FBXL17: variants seen among roughly 807,000 people sequenced by gnomAD.
FBXL17 encodes the protein F-box and leucine rich repeat protein 17, also known as F-box/LRR-repeat protein 17.
In FBXL17, 22 loss-of-function variants were observed where a neutral mutation model predicts 66.2. That is an observed-to-expected ratio of 0.33 (90% CI 0.24 to 0.47). The LOEUF (loss-of-function observed/expected upper bound fraction) is 0.47. FBXL17 is among the 20% of genes least tolerant of loss of function. The pLI, the probability that FBXL17 is intolerant of heterozygous loss-of-function variation, is 1.00. For synonymous variants in FBXL17, 474 were observed against 400.5 expected (o/e 1.18, Z -2.19); for missense variants, 878 against 948.2 (o/e 0.93, Z 0.97).
At chr5:108,305,394 T>C (rs1055794827) in intron 4 of FBXL17, among the ~76,000 whole-genome samples, 6 of 151,798 alleles carry the variant, frequency 4.0e-5, no homozygotes, top group African/African-American at 1.5e-4. Flanking sequence ...GGTGATGAGA[T>C]TATCTGTGCA....
chr5:107,981,829 A>AT (rs1283616467), intron 7 of FBXL17, among the ~76,000 whole-genome samples: 1 of 152,130 alleles, frequency 6.6e-6, no homozygotes, highest in Non-Finnish European at 1.5e-5. Flanking sequence ...ATCTACCTGA[A>AT]TTTTTTACCC....
chr5:108,240,921 C>A (rs1755828299), intron 4 of FBXL17, among the ~76,000 whole-genome samples: 1 of 152,104 alleles, frequency 6.6e-6, no homozygotes, highest in African/African-American at 2.4e-5. Flanking sequence ...AGTTAAGAGT[C>A]TCTGCCTGAT....
Position 108,236,806 on chromosome 5 carries a change from A to AAG in FBXL17, c.1507-12579_1507-12578insCT, listed in dbSNP as rs1243732382. On this transcript the variant is annotated intron_variant, in intron 4 of 8. Transcript: ENST00000542267. ...TGCAGGCCAAGTAGTCAGTGGGCCC[A>AAG]TAGGGTACCCTCATCTTCTGAATGC... 7.2e-5 allele frequency among the ~76,000 whole-genome samples: 11 copies of AAG among 152,316 alleles called. No homozygotes were observed. In the East Asian group the frequency reaches 2.1e-3, roughly 29 times the overall value.
At chr5:108,232,222 TA>T (rs1343890870) in intron 4 of FBXL17, among the ~76,000 whole-genome samples, 1 of 152,238 alleles carries the variant, frequency 6.6e-6, no homozygotes, top group African/African-American at 2.4e-5. Flanking sequence ...TGACTTTACA[TA>T]AGCATTTAAG....
At position 108,333,400 on chromosome 5, in the gene FBXL17, T is replaced by C. The variant is rs536873243; in HGVS notation, c.1506+14999A>G. The stretch of plus-strand genomic sequence containing the variant: ...ACAAATTACTACGTTAAAAAATCAC[T>C]TTTAAAATGCTAAAGTGCTAAGATT... On this transcript the variant is annotated intron_variant, in intron 4 of 8. Transcript: ENST00000542267. Among the ~76,000 whole-genome samples the C allele has an allele frequency of 3.1e-3, 475 of 152,188 alleles. 2 individuals carry two copies. The highest frequency in any genetic ancestry group is 0.01 in the African/African-American group (435 of 41,552).
chr5:107,922,412 A>AG (rs751271340), intron 7 of FBXL17, among the ~76,000 whole-genome samples: 2 of 152,142 alleles, frequency 1.3e-5, no homozygotes, highest in African/African-American at 2.4e-5. Context: ...CTATGCAAGG[A>AG]TCTTAACTGG....
chr5:108,314,687 T>G (rs1759277127), intron 4 of FBXL17, among the ~76,000 whole-genome samples: 1 of 151,488 alleles, frequency 6.6e-6, no homozygotes, highest in African/African-American at 2.4e-5. Flanking sequence ...AATTACTACT[T>G]CTAAGAGTGA....
chr5:108,092,730 G>C (rs1019471919), intron 6 of FBXL17, among the ~76,000 whole-genome samples: 4 of 152,162 alleles, frequency 2.6e-5, no homozygotes, highest in Non-Finnish European at 5.9e-5. Flanking sequence ...AACACAAGCA[G>C]CCTTTTTCAA....
intron 7 of FBXL17, among the ~76,000 whole-genome samples, chr5:107,914,569 G>T (rs1019576943): frequency 2.0e-5 from 3 of 152,182 alleles, no homozygotes; most frequent in African/African-American, 7.2e-5. Flanking sequence ...GCCTTGATTG[G>T]CTAAAGCACA....
At chr5:108,146,818 G>C (rs546995803) in intron 6 of FBXL17, among the ~76,000 whole-genome samples, 1 of 152,188 alleles carries the variant, frequency 6.6e-6, no homozygotes, top group Non-Finnish European at 1.5e-5. Flanking sequence ...AAAAGGGATC[G>C]TGAAACCTTA....
At chr5:107,867,927 C>A (rs12152863) in intron 8 of FBXL17, among the ~76,000 whole-genome samples, 6 of 152,022 alleles carry the variant, frequency 3.9e-5, no homozygotes, top group Non-Finnish European at 7.4e-5. Flanking sequence ...CAATCAAACG[C>A]TTCTCTTCAG....
Position 108,285,296 on chromosome 5 carries a change from T to C in FBXL17, c.1507-61068A>G, listed in dbSNP as rs151223616. On this transcript the variant is annotated intron_variant, in intron 4 of 8. Transcript: ENST00000542267. ...AAACTTCCTCCAAGCTTCTGTTTAA[T>C]GTTTATATTTTGGCCTCCTCCCATG... 2.8e-3 allele frequency among the ~76,000 whole-genome samples: 422 copies of C among 152,062 alleles called. 4 individuals are homozygous for C. The highest frequency in any genetic ancestry group is 9.6e-3 in the African/African-American group (399 of 41,542).
intron 4 of FBXL17, among the ~76,000 whole-genome samples, chr5:108,343,074 G>GTGTC (rs2112443242): frequency 6.6e-6 from 1 of 152,284 alleles, no homozygotes; most frequent in South Asian, 2.1e-4. Context: ...CAGGGAGAAG[G>GTGTC]TGTCTATAAA....
At chr5:108,326,944 C>T (rs1384112383) in intron 4 of FBXL17, among the ~76,000 whole-genome samples, 1 of 152,136 alleles carries the variant, frequency 6.6e-6, no homozygotes, top group African/African-American at 2.4e-5. Context: ...ATACACTTCC[C>T]AAACAACTCA....
At chr5:108,100,309 A>G (rs1429710892) in intron 6 of FBXL17, among the ~76,000 whole-genome samples, 1 of 152,158 alleles carries the variant, frequency 6.6e-6, no homozygotes, top group Non-Finnish European at 1.5e-5. Flanking sequence ...TTTTAATTAT[A>G]AAAAATTTCC....
intron 3 of FBXL17, among the ~76,000 whole-genome samples, chr5:108,363,368 A>C (rs538288831): frequency 2.0e-5 from 3 of 152,002 alleles, no homozygotes; most frequent in Non-Finnish European, 4.4e-5. Context: ...TAGCGGTCTT[A>C]AGTACAGAAA....
chr5:108,350,165 A>G (rs1378133016), intron 3 of FBXL17, among the ~76,000 whole-genome samples: 1 of 152,218 alleles, frequency 6.6e-6, no homozygotes, highest in Non-Finnish European at 1.5e-5. Flanking sequence ...AGGCTCACAT[A>G]TATGTCTGGC....
At chr5:108,336,740 T>G (rs1304141892) in intron 4 of FBXL17, among the ~76,000 whole-genome samples, 1 of 152,180 alleles carries the variant, frequency 6.6e-6, no homozygotes, top group Admixed American at 6.5e-5. Context: ...GGGACTTTAC[T>G]TCTTCAAACT....
intron 3 of FBXL17, among the ~76,000 whole-genome samples, chr5:108,357,934 T>A (rs928191285): frequency 1.3e-5 from 2 of 151,994 alleles, no homozygotes; most frequent in Non-Finnish European, 2.9e-5. Flanking sequence ...TAAAGGCAAA[T>A]TTATACTTTT....
Sources: gnomAD v4.1 joint callset for allele counts (sites outside exome capture counted in the v4.1 genomes callset) on GRCh38, gnomAD v4.1.1 for gene constraint, MANE v1.5 for transcripts, NCBI Gene and HGNC (gene_info 2026-07-23, HGNC 2026-07-21) for gene names.